Variants in FHIT observed in about 807,000 individuals in gnomAD.
FHIT encodes bis(5'-adenosyl)-triphosphatase.
A neutral mutation model predicts 17.9 loss-of-function variants in FHIT; 19 were observed. That is an observed-to-expected ratio of 1.06 (90% CI 0.74 to 1.56). FHIT has a LOEUF of 1.56. Ranked by LOEUF, FHIT falls within the 40% of genes most tolerant of loss-of-function variation. The pLI is 0.00. For missense variants in FHIT, 248 were observed against 189.2 expected, an observed-to-expected ratio of 1.31 and a Z score of -1.82; for synonymous variants, 81 against 69.7, an observed-to-expected ratio of 1.16 and a Z score of -0.81.
intron 3 of FHIT, among the ~76,000 whole-genome samples, chr3:60,822,611 A>T (rs573400300): frequency 6.6e-6 from 1 of 152,178 alleles, no homozygotes; most frequent in Non-Finnish European, 1.5e-5. Context: ...GCTGCTCAAC[A>T]TCACTGAGGC....
chr3:60,018,343 C>G (rs1038811929), intron 5 of FHIT, among the ~76,000 whole-genome samples: 1 of 152,108 alleles, frequency 6.6e-6, no homozygotes, highest in Non-Finnish European at 1.5e-5. Flanking sequence ...TAGACCCTAC[C>G]GCCAACATCA....
chr3:60,360,328 C>A (rs1257838673), intron 5 of FHIT, among the ~76,000 whole-genome samples: 1 of 151,598 alleles, frequency 6.6e-6, no homozygotes, highest in African/African-American at 2.4e-5. Flanking sequence ...AAGACAAAGG[C>A]AACTTAAGGA....
chr3:60,789,906 G>A (rs1700718417), intron 4 of FHIT, among the ~76,000 whole-genome samples: 1 of 152,168 alleles, frequency 6.6e-6, no homozygotes, highest in Non-Finnish European at 1.5e-5. Flanking sequence ...TGTACCACAG[G>A]TGGATGTGAG....
intron 4 of FHIT, among the ~76,000 whole-genome samples, chr3:60,541,144 C>T (rs1239409422): frequency 6.6e-6 from 1 of 152,162 alleles, no homozygotes; most frequent in Admixed American, 6.5e-5. Flanking sequence ...TGAATATGTC[C>T]AGTGATGGGA....
At chr3:61,217,603 AAAAG>A (rs1469947600) in intron 1 of FHIT, among the ~76,000 whole-genome samples, 1 of 152,158 alleles carries the variant, frequency 6.6e-6, no homozygotes, top group Non-Finnish European at 1.5e-5. Context: ...CACCCAGACT[AAAAG>A]AAAGAGAACA....
intron 3 of FHIT, chr3:60,912,794 A>G (rs183981744): frequency 5.6e-5 from 29 of 514,494 alleles, no homozygotes; most frequent in African/African-American, 4.6e-4. Context: ...CCTTTGTCTT[A>G]CCATTTCTCT....
chr3:59,992,540 C>A (rs925429430), intron 7 of FHIT, among the ~76,000 whole-genome samples: 6 of 152,020 alleles, frequency 3.9e-5, no homozygotes, highest in Admixed American at 3.3e-4. Flanking sequence ...TACATTACTC[C>A]CAGAGACTGG....
At chr3:60,128,097 T>A (rs1050502792) in intron 5 of FHIT, among the ~76,000 whole-genome samples, 7 of 152,320 alleles carry the variant, frequency 4.6e-5, no homozygotes, top group Non-Finnish European at 1.0e-4. Flanking sequence ...CAACATTGAG[T>A]ATTTAATATG....
intron 5 of FHIT, among the ~76,000 whole-genome samples, chr3:60,424,009 G>C (rs914868911): frequency 6.6e-6 from 1 of 152,088 alleles, no homozygotes. Flanking sequence ...TTGTACTACA[G>C]TAACTATAGT....
At chr3:60,398,757 T>C (rs2107181733) in intron 5 of FHIT, among the ~76,000 whole-genome samples, 1 of 152,304 alleles carries the variant, frequency 6.6e-6, no homozygotes, top group Admixed American at 6.5e-5. Context: ...ATAAGGTACC[T>C]GGAAGGAATC....
chr3:61,215,614 T>C (rs1201457030), intron 1 of FHIT, among the ~76,000 whole-genome samples: 2 of 152,164 alleles, frequency 1.3e-5, no homozygotes, highest in East Asian at 3.8e-4. Context: ...AAGCTACCAA[T>C]GACTTTCTTC....
intron 5 of FHIT, among the ~76,000 whole-genome samples, chr3:60,150,436 G>A (rs1479684396): frequency 6.6e-6 from 1 of 152,146 alleles, no homozygotes; most frequent in Non-Finnish European, 1.5e-5. Context: ...GCAAACACTA[G>A]AAATTTATGC....
chr3:61,016,860 A>T (rs1303267108), intron 3 of FHIT, among the ~76,000 whole-genome samples: 1 of 152,270 alleles, frequency 6.6e-6, no homozygotes, highest in Non-Finnish European at 1.5e-5. Context: ...GCACAGTAAC[A>T]GGAACACAGA....
chr3:60,633,380 C>G (rs1335807525), intron 4 of FHIT, among the ~76,000 whole-genome samples: 1 of 152,152 alleles, frequency 6.6e-6, no homozygotes, highest in African/African-American at 2.4e-5. Flanking sequence ...ATGTGTAAAG[C>G]TGTTAGTACA....
intron 5 of FHIT, 167 bp downstream of exon 5, chr3:60,536,693 A>T (rs1037264312): frequency 3.2e-6 from 2 of 615,912 alleles, no homozygotes; most frequent in Non-Finnish European, 5.1e-6. Context: ...TGGATTCAGA[A>T]TAAATATGAG....
chr3:60,368,695 ATTT>A (rs995636173), intron 5 of FHIT, among the ~76,000 whole-genome samples: 3 of 151,910 alleles, frequency 2.0e-5, no homozygotes, highest in Non-Finnish European at 4.4e-5. Flanking sequence ...TTATTAACTT[ATTT>A]TTTCTTTTAT....
chr3:59,937,217 T>C (rs1706285425), intron 7 of FHIT, among the ~76,000 whole-genome samples: 2 of 152,166 alleles, frequency 1.3e-5, no homozygotes, highest in Non-Finnish European at 1.5e-5. Flanking sequence ...AGCAGGTGCT[T>C]TTAAAAATAA....
At chr3:61,101,237 A>G (rs1324571530) in intron 2 of FHIT, among the ~76,000 whole-genome samples, 1 of 152,146 alleles carries the variant, frequency 6.6e-6, no homozygotes. Flanking sequence ...TAATTTTTGT[A>G]TAAGGTGTAA....
chr3:59,822,747 G>C (rs181592711), intron 8 of FHIT, among the ~76,000 whole-genome samples: 10 of 152,164 alleles, frequency 6.6e-5, no homozygotes, highest in African/African-American at 2.2e-4. Context: ...ACACTCTGTG[G>C]GTTGTCTATT....
Sources: gnomAD v4.1 joint callset for allele counts (sites outside exome capture counted in the v4.1 genomes callset) on GRCh38, gnomAD v4.1.1 for gene constraint, MANE v1.5 for transcripts, NCBI Gene and HGNC (gene_info 2026-07-23, HGNC 2026-07-21) for gene names.